The following GPR107 variants were observed in gnomAD, a reference collection of about 807,000 sequenced individuals.
GPR107 encodes protein GPR107.
A neutral mutation model predicts 75.5 loss-of-function variants in GPR107; 31 were observed. That is an observed-to-expected ratio of 0.41 (90% CI 0.31 to 0.55). The LOEUF (loss-of-function observed/expected upper bound fraction) is 0.55. Among genes scored for constraint, GPR107 ranks in the 20% least tolerant of loss-of-function variants. The pLI, the probability that GPR107 is intolerant of heterozygous loss-of-function variation, is 0.26. For missense variants in GPR107, 572 were observed against 665.7 expected (o/e 0.86, Z 1.55); for synonymous variants, 267 against 251.3 (o/e 1.06, Z -0.59).
At chr9:130,090,659 C>G (rs1172233856) in intron 7 of GPR107, among the ~76,000 whole-genome samples, 1 of 152,132 alleles carries the variant, frequency 6.6e-6, no homozygotes, top group Admixed American at 6.5e-5. Context: ...AAGAAGATAT[C>G]TCTTTAAACT....
chr9:130,071,814 G>T (rs1426633571), intron 1 of GPR107, among the ~76,000 whole-genome samples: 1 of 152,052 alleles, frequency 6.6e-6, no homozygotes, highest in Non-Finnish European at 1.5e-5. Flanking sequence ...CTCCCAAGTA[G>T]CTGGGATTAA....
At chr9:130,105,836 A>G (rs902056911) in intron 13 of GPR107, among the ~76,000 whole-genome samples, 1 of 149,106 alleles carries the variant, frequency 6.7e-6, no homozygotes, top group East Asian at 2.1e-4. Flanking sequence ...TACCCAGCCA[A>G]TTTTTTGTAG....
At chr9:130,087,877 C>A (rs1378300619) in intron 7 of GPR107, among the ~76,000 whole-genome samples, 1 of 149,548 alleles carries the variant, frequency 6.7e-6, no homozygotes, top group Admixed American at 6.7e-5. Flanking sequence ...TTGTTCAGTA[C>A]TGACAAATGC....
chr9:130,104,262 G>A (rs1444669236), intron 12 of GPR107, among the ~76,000 whole-genome samples, 158 bp from the exon 13 acceptor site: 2 of 152,086 alleles, frequency 1.3e-5, no homozygotes, highest in African/African-American at 2.4e-5. Context: ...CCTTGATAGC[G>A]GAGTGGCAGA....
chr9:130,059,733 C>CTTTTTTTTTTTTTTTTTTTTTTTTTTTT (rs61429853), intron 1 of GPR107, among the ~76,000 whole-genome samples: 1 of 144,520 alleles, frequency 6.9e-6, no homozygotes, highest in African/African-American at 2.6e-5. Flanking sequence ...GTTAATACGT[C>CTTTTTTTTTTTTTTTTTTTTTTTTTTTT]TTTTTTTTTT....
chr9:130,121,372 T>G (rs1831542924), intron 14 of GPR107, among the ~76,000 whole-genome samples: 1 of 152,182 alleles, frequency 6.6e-6, no homozygotes, highest in Non-Finnish European at 1.5e-5. Context: ...TTATAATGTT[T>G]TAAGAAAGTT....
In GPR107 at chr9:130,132,427, G is replaced by A. The variant is rs143638552; in HGVS notation, c.1563-2598G>A. On this transcript the variant is annotated intron_variant, in intron 17 of 17. Coordinates refer to ENST00000347136, the MANE Select transcript of GPR107 (RefSeq NM_020960.5). ...AGACTGGGCCCTCGACAACCCTGCCGTCCTGTGTCCACCCTGGTTCTCTCC... is the reference window on the plus strand; with the variant it reads ...AGACTGGGCCCTCGACAACCCTGCCATCCTGTGTCCACCCTGGTTCTCTCC... 1.8e-4 allele frequency among the ~76,000 whole-genome samples: 27 copies of A among 152,264 alleles called. 1 individual carries two copies. The highest frequency in any genetic ancestry group is 4.1e-4 in the South Asian group (2 of 4,822).
At chr9:130,065,424 T>G (rs112547873) in intron 1 of GPR107, among the ~76,000 whole-genome samples, 3 of 146,896 alleles carry the variant, frequency 2.0e-5, no homozygotes, top group Non-Finnish European at 4.5e-5. Context: ...ACAACAAGAG[T>G]GAAACTCCAT....
rs182981197 is a variant in GPR107 at position 130,110,676 on chromosome 9, G to A, written c.1306+3137G>A. 2.4e-3 allele frequency among the ~76,000 whole-genome samples: 371 copies of A among 152,316 alleles called. 4 individuals are homozygous for A. Among genetic ancestry groups the A allele is most frequent in the South Asian group, 0.011 (51 of 4,830 alleles). ...GCCAGAGCAGCCGTGTTCCCAGCTGGAGCCTCCCCTGCAGAGAGGTCTCAG... is the reference window on the plus strand; with the variant it reads ...GCCAGAGCAGCCGTGTTCCCAGCTGAAGCCTCCCCTGCAGAGAGGTCTCAG... On this transcript the variant is annotated intron_variant, in intron 14 of 17. Coordinates refer to ENST00000347136, the MANE Select transcript of GPR107 (RefSeq NM_020960.5).
At chr9:130,094,939 C>T (rs193145789) in intron 9 of GPR107, among the ~76,000 whole-genome samples, 1 of 152,156 alleles carries the variant, frequency 6.6e-6, no homozygotes, top group East Asian at 1.9e-4. Context: ...CCTTGGCCTC[C>T]CAAAGTGCTG....
Position 130,128,722 on chromosome 9 carries a change from A to G in GPR107, c.1523A>G (p.Gln508Arg), listed in dbSNP as rs759149261. The change falls in exon 17 of 18, where the codon CAA becomes CGA. Residue 508 changes from glutamine to arginine, a missense_variant. Gln to Arg is a conservative substitution (Grantham distance 43, BLOSUM62 1). Coordinates refer to ENST00000347136, the MANE Select transcript of GPR107 (RefSeq NM_020960.5). ...FRPASDNPYL[Q>R]LSQEEEDLEM... ...CCGGCTTCAGATAACCCCTACCTAC[A>G]ACTTTCTCAGGAAGAAGAAGACTTG... 37 of 1,613,034 alleles carry G rather than the reference A, an allele frequency of 2.3e-5. No individual in the cohort carries two copies. Among genetic ancestry groups the G allele is most frequent in the Non-Finnish European group, 3.1e-5 (36 of 1,179,102 alleles).
chr9:130,085,754 A>ATTTTTTTTGTTTTTTTTTTTTTTTT (rs1830598689), intron 6 of GPR107, among the ~76,000 whole-genome samples: 1 of 78,674 alleles, frequency 1.3e-5, no homozygotes, highest in Non-Finnish European at 2.4e-5. Context: ...CAATATTTTG[A>ATTTTTTTTGTTTTTTTTTTTTTTTT]TTTTTTTTTT....
intron 9 of GPR107, among the ~76,000 whole-genome samples, chr9:130,095,583 C>T (rs1306244760): frequency 3.3e-5 from 5 of 152,014 alleles, no homozygotes; most frequent in Admixed American, 6.6e-5. Context: ...TTAGTAGAGA[C>T]GGGGTTTCAC....
chr9:130,070,909 G>A (rs1830188307), intron 1 of GPR107, among the ~76,000 whole-genome samples: 1 of 151,278 alleles, frequency 6.6e-6, no homozygotes, highest in South Asian at 2.1e-4. Context: ...GTAGAGGTGG[G>A]GGTCTTTCTG....
rs1263056470 is a variant in GPR107, at chr9:130,070,478, A to G, written c.142-5158A>G. On this transcript the variant is annotated intron_variant, in intron 1 of 17. Transcript: ENST00000347136. ...GTCACCATGCTTGGCTACTTTTTGT[A>G]TTTTTTGTAGAGATGAGGTTTCGCC... 5.3e-5 allele frequency among the ~76,000 whole-genome samples: 8 copies of G among 151,890 alleles called. No individual in the cohort carries two copies. In the East Asian group the frequency reaches 1.4e-3, roughly 26 times the overall value.
intron 7 of GPR107, among the ~76,000 whole-genome samples, chr9:130,089,596 C>T (rs991149118): frequency 2.0e-5 from 3 of 152,122 alleles, no homozygotes; most frequent in African/African-American, 7.2e-5. Context: ...CTCTAAGGGT[C>T]AGATGCCTAC....
chr9:130,127,735 C>T (rs1831721917), intron 16 of GPR107, among the ~76,000 whole-genome samples, 169 bp downstream of exon 16: 1 of 152,058 alleles, frequency 6.6e-6, no homozygotes, highest in Non-Finnish European at 1.5e-5. Flanking sequence ...CAGGGTCTCA[C>T]TCTGTCACCC....
intron 1 of GPR107, among the ~76,000 whole-genome samples, chr9:130,062,941 G>T (rs1564657861): frequency 6.6e-6 from 1 of 152,050 alleles, no homozygotes; most frequent in African/African-American, 2.4e-5. Context: ...CTTTGTCCAG[G>T]CTGGTCTTGA....
intron 1 of GPR107, among the ~76,000 whole-genome samples, chr9:130,062,652 GCCTGCCTGCCTTCCTT>G (rs796211965): frequency 0.012 from 1,371 of 110,920 alleles, 9 homozygotes; most frequent in East Asian, 0.03. Context: ...CTGCCTGCCT[GCCTGCCTGCCTTCCTT>G]CCTTCCTTCC....
Sources: gnomAD v4.1 joint callset for allele counts (sites outside exome capture counted in the v4.1 genomes callset) on GRCh38, gnomAD v4.1.1 for gene constraint, MANE v1.5 for transcripts, NCBI Gene and HGNC (gene_info 2026-07-23, HGNC 2026-07-21) for gene names.